Variants in FGF13 observed in about 807,000 individuals in gnomAD.
The protein encoded by FGF13 is fibroblast growth factor 13.
FGF13 carries 2 observed loss-of-function variants against 19.5 expected under a neutral mutation model. The ratio of observed to expected loss-of-function variants is 0.10; its 90% CI spans 0.04 to 0.32. The LOEUF is 0.32. Ranked by LOEUF, FGF13 falls within the 10% of genes least tolerant of loss-of-function variation. The pLI, the probability that FGF13 is intolerant of heterozygous loss-of-function variation, is 1.00. For missense variants in FGF13, 113 were observed against 192.7 expected (o/e 0.59, Z 2.45); for synonymous variants, 72 against 76.9 (o/e 0.94, Z 0.33).
At chrX:138,963,344 G>A (rs2091882452) in intron 1 of FGF13, among the ~76,000 whole-genome samples, 1 of 112,765 alleles carries the variant, frequency 8.9e-6, no homozygotes, top group African/African-American at 3.2e-5. Flanking sequence ...TGCTCTAGAG[G>A]TTACTGTTTG....
At chrX:138,891,153 C>T (rs749435300) in intron 1 of FGF13, among the ~76,000 whole-genome samples, 2 of 111,397 alleles carry the variant, frequency 1.8e-5, no homozygotes, top group Non-Finnish European at 3.8e-5. Flanking sequence ...TTTGTGGTGT[C>T]GGGCACCTGT....
intron 1 of FGF13, among the ~76,000 whole-genome samples, chrX:139,190,874 G>T (rs1025805232): frequency 8.9e-6 from 1 of 111,852 alleles, no homozygotes; most frequent in Non-Finnish European, 1.9e-5. Context: ...TCAACAAGAG[G>T]CCTCTAGGCT....
chrX:138,674,804 T>C (rs1422813468), intron 3 of FGF13, among the ~76,000 whole-genome samples: 1 of 111,054 alleles, frequency 9.0e-6, no homozygotes, highest in African/African-American at 3.3e-5. Flanking sequence ...ACAAGATCAT[T>C]GGAGGACAAA....
At chrX:139,133,652 G>A (rs1325786901) in intron 1 of FGF13, among the ~76,000 whole-genome samples, 4 of 111,087 alleles carry the variant, frequency 3.6e-5, no homozygotes, top group Non-Finnish European at 1.9e-5. Flanking sequence ...TTCACTGGGG[G>A]CTGTGGTACC....
intron 3 of FGF13, among the ~76,000 whole-genome samples, chrX:138,818,605 G>GA (rs199827792): frequency 0.063 from 6,819 of 108,027 alleles, 551 homozygotes; most frequent in African/African-American, 0.22. Context: ...TTACAGATGA[G>GA]AATTAAGGCT....
intron 3 of FGF13, among the ~76,000 whole-genome samples, chrX:138,683,516 G>T (rs1407371418): frequency 5.4e-5 from 6 of 110,485 alleles, no homozygotes; most frequent in Non-Finnish European, 1.1e-4. Context: ...AAGTCCACTT[G>T]ATTTGCTTCC....
Position 138,627,350 on chromosome X carries a change from A to T in FGF13, c.*5500T>A, listed in dbSNP as rs906970057. On this transcript the variant is annotated 3_prime_UTR_variant, in exon 5 of 5. Transcript: ENST00000315930. ...TAACTTTACACAGCATTAAAAACAA[A>T]TTATTAAGAGCGTACACATTATTAC... The T allele has an allele frequency of 9.8e-5, 11 of 111,777 alleles. No homozygotes were observed. Among genetic ancestry groups the T allele is most frequent in the Non-Finnish European group, 2.1e-4 (11 of 53,227 alleles). 9.2% of individuals were successfully genotyped at this position (111,777 alleles called of 1,213,427 possible).
rs1173666545 is a variant in FGF13, at chrX:138,925,417, T to A, written c.-112-60767A>T. Among the ~76,000 whole-genome samples, 3 of 54,822 alleles carry A rather than the reference T, an allele frequency of 5.5e-5. No individual in the cohort carries two copies. The East Asian group carries it at 1.8e-3, about 33-fold the overall frequency. The allele number at this position is 54,822 out of a possible 115,157, so 47.6% of individuals were successfully genotyped here. A position where few individuals can be genotyped will look rare whatever the true frequency, so the allele number is the denominator to read the frequency against. On this transcript the variant is annotated intron_variant, in intron 1 of 2. Coordinates refer to the FGF13 transcript ENST00000421460. ...CCTTCCCATTAAAATCATTTCCAGTTGAAGAAAGAAGGGGATGACTCAACC... is the reference window on the plus strand; with the variant it reads ...CCTTCCCATTAAAATCATTTCCAGTAGAAGAAAGAAGGGGATGACTCAACC...
chrX:138,782,883 T>C (rs1364026739), intron 3 of FGF13, among the ~76,000 whole-genome samples: 5 of 82,610 alleles, frequency 6.1e-5, no homozygotes, highest in African/African-American at 9.4e-5. Context: ...AGAACAAAGC[T>C]GGAGGCATCA....
At chrX:138,781,523 A>G (rs1337042124) in intron 3 of FGF13, among the ~76,000 whole-genome samples, 2 of 110,113 alleles carry the variant, frequency 1.8e-5, no homozygotes, top group African/African-American at 6.6e-5. Flanking sequence ...CTACCATCAG[A>G]GAATACTACA....
chrX:138,675,420 T>G (rs987771360), intron 3 of FGF13, among the ~76,000 whole-genome samples: 2 of 112,065 alleles, frequency 1.8e-5, no homozygotes, highest in Non-Finnish European at 3.8e-5. Flanking sequence ...GAAACATTCA[T>G]AATTTTATTA....
At chrX:139,116,046 A>G (rs1459146267) in intron 1 of FGF13, among the ~76,000 whole-genome samples, 1 of 112,410 alleles carries the variant, frequency 8.9e-6, no homozygotes, top group Non-Finnish European at 1.9e-5. Flanking sequence ...ATACAGTTCA[A>G]CAAATTTTAT....
chrX:139,084,325 TG>T (rs2083390295), intron 1 of FGF13, among the ~76,000 whole-genome samples: 1 of 111,304 alleles, frequency 9.0e-6, no homozygotes, highest in African/African-American at 3.3e-5. Flanking sequence ...TACAGAAGAT[TG>T]CAAATGTGAC....
chrX:138,913,355 C>CG (rs756692946), intron 1 of FGF13, among the ~76,000 whole-genome samples: 1 of 108,067 alleles, frequency 9.3e-6, no homozygotes, highest in South Asian at 4.2e-4. Flanking sequence ...TTAGTAGAGA[C>CG]GGGGTTTCAC....
At chrX:138,943,468 A>C (rs897241587) in intron 1 of FGF13, among the ~76,000 whole-genome samples, 19 of 112,010 alleles carry the variant, frequency 1.7e-4, no homozygotes, top group Non-Finnish European at 7.5e-5. Context: ...ATTCCTATGA[A>C]AATCACATAA....
At chrX:138,809,459 G>A (rs1467661787) in intron 3 of FGF13, among the ~76,000 whole-genome samples, 2 of 111,410 alleles carry the variant, frequency 1.8e-5, no homozygotes, top group Non-Finnish European at 3.8e-5. Flanking sequence ...AATAATAAGA[G>A]CTACTTATGA....
chrX:138,678,185 G>A lies in FGF13; in HGVS notation c.402+24799C>T, dbSNP rs892937829. ...CACACTCTGGGGACTGTTGTGGTGT[G>A]GGGAGTCCCCATCACACTCTGGGGA... On this transcript the variant is annotated intron_variant, in intron 3 of 4. Transcript: ENST00000315930. Among the ~76,000 whole-genome samples the A allele has an allele frequency of 1.0e-4, 11 of 110,530 alleles. 1 individual carries two copies. The highest frequency in any genetic ancestry group is 8.6e-3 in the Middle Eastern group (2 of 233).
chrX:138,901,298 G>A (rs779879517), intron 1 of FGF13, among the ~76,000 whole-genome samples: 42 of 111,675 alleles, frequency 3.8e-4, no homozygotes, highest in African/African-American at 1.3e-3. Context: ...ACGCATTTAT[G>A]AAATGATGAA....
Position 138,859,471 on chromosome X carries a change from C to CAA in FGF13, c.-38-1794_-38-1793dup, listed in dbSNP as rs764500238. On this transcript the variant is annotated intron_variant, in intron 2 of 2. Transcript: ENST00000421460. ...TAAAAGAGAAAAAATGACTTTTTGA[C>CAA]AATGCATAAGGAATTTGTTATTCAG... Among the ~76,000 whole-genome samples the CAA allele has an allele frequency of 4.4e-5, 5 of 112,426 alleles. No individual in the cohort carries two copies. In the East Asian group the frequency reaches 1.4e-3, roughly 32 times the overall value.
Sources: allele counts gnomAD v4.1 joint callset (sites outside exome capture counted in the v4.1 genomes callset), GRCh38; gene constraint gnomAD v4.1.1; transcripts MANE v1.5; gene names NCBI Gene and HGNC (gene_info 2026-07-23, HGNC 2026-07-21).